The following TOX3 variants were observed in gnomAD, a reference collection of about 807,000 sequenced individuals.
TOX3 encodes the protein TOX high mobility group box family member 3, also known as CAG trinucleotide repeat-containing gene F9 protein.
Under a neutral mutation model 64.3 loss-of-function variants are expected in TOX3, and 22 were observed. That is an observed-to-expected ratio of 0.34 (90% CI 0.24 to 0.49). The LOEUF is 0.49. Ranked by LOEUF, TOX3 falls within the 20% of genes least tolerant of loss-of-function variation. The pLI, the probability that TOX3 is intolerant of heterozygous loss-of-function variation, is 0.99. For missense variants in TOX3, 661 were observed against 714.4 expected (o/e 0.93, Z 0.85); for synonymous variants, 291 against 273.6 (o/e 1.06, Z -0.63).
At chr16:52,501,359 A>C (rs1961994612) in intron 1 of TOX3, among the ~76,000 whole-genome samples, 1 of 152,360 alleles carries the variant, frequency 6.6e-6, no homozygotes. Flanking sequence ...CAAAAATTAT[A>C]ATTAAAAATG....
intron 1 of TOX3, among the ~76,000 whole-genome samples, chr16:52,538,607 C>T (rs568162241): frequency 5.3e-5 from 8 of 152,216 alleles, no homozygotes; most frequent in African/African-American, 1.9e-4. Flanking sequence ...CTCACTCCCC[C>T]AAAAGAATGA....
chr16:52,498,491 A>G (rs931995313), intron 1 of TOX3, among the ~76,000 whole-genome samples: 8 of 152,272 alleles, frequency 5.3e-5, no homozygotes, highest in Admixed American at 3.9e-4. Flanking sequence ...GAGCCCCCGC[A>G]TGATCCTGGT....
chr16:52,520,802 C>G (rs1320003472), intron 1 of TOX3, among the ~76,000 whole-genome samples: 2 of 152,018 alleles, frequency 1.3e-5, no homozygotes, highest in Non-Finnish European at 2.9e-5. Context: ...ATGTGTAACC[C>G]TAAACATTTT....
intron 1 of TOX3, among the ~76,000 whole-genome samples, chr16:52,502,549 G>A (rs1353566649): frequency 6.6e-6 from 1 of 152,160 alleles, no homozygotes; most frequent in African/African-American, 2.4e-5. Flanking sequence ...ATAAAAAGCA[G>A]TAAGGTCTTA....
intron 4 of TOX3, 117 bp from the exon 5 acceptor site, chr16:52,446,338 A>G: frequency 9.5e-7 from 1 of 1,055,236 alleles, no homozygotes; most frequent in Non-Finnish European, 1.3e-6. Flanking sequence ...CAACAGATGA[A>G]TCACCACCAA....
chr16:52,461,440 C>A (rs1194881207), intron 3 of TOX3, among the ~76,000 whole-genome samples: 2 of 152,034 alleles, frequency 1.3e-5, no homozygotes, highest in African/African-American at 4.8e-5. Context: ...TTCCTGCCTT[C>A]TGTTTTTAAA....
intron 1 of TOX3, among the ~76,000 whole-genome samples, chr16:52,493,694 TA>T (rs1238761020): frequency 6.6e-6 from 1 of 152,174 alleles, no homozygotes; most frequent in Non-Finnish European, 1.5e-5. Context: ...CCGCCTAGTT[TA>T]AAGAACAAGG....
chr16:52,492,029 GC>G (rs146204768), intron 1 of TOX3, among the ~76,000 whole-genome samples: 6,418 of 151,882 alleles, frequency 0.042, 403 homozygotes, highest in African/African-American at 0.14. Flanking sequence ...GCTTTACTAG[GC>G]CCCTTGACAC....
intron 1 of TOX3, among the ~76,000 whole-genome samples, chr16:52,508,542 A>C (rs1439670774): frequency 1.3e-5 from 2 of 152,228 alleles, no homozygotes; most frequent in Non-Finnish European, 2.9e-5. Flanking sequence ...AAGTCAGAAA[A>C]TAAAATATAT....
At chr16:52,449,155 G>A (rs1960257750) in intron 4 of TOX3, among the ~76,000 whole-genome samples, 1 of 152,006 alleles carries the variant, frequency 6.6e-6, no homozygotes, top group African/African-American at 2.4e-5. Flanking sequence ...CCTTTATAAG[G>A]CATTCTCTAT....
intron 1 of TOX3, among the ~76,000 whole-genome samples, chr16:52,537,974 G>C (rs1414158317): frequency 6.6e-6 from 1 of 150,772 alleles, no homozygotes; most frequent in African/African-American, 2.4e-5. Flanking sequence ...TGAGACTCTA[G>C]ATCCAGCTAT....
chr16:52,464,270 C>T, intron 2 of TOX3, 82 bp from the exon 3 acceptor site: 1 of 1,349,594 alleles, frequency 7.4e-7, no homozygotes, highest in Non-Finnish European at 9.7e-7. Context: ...AAAGACATTG[C>T]ATGAAAACAC....
At chr16:52,470,262 C>A (rs1961003702) in intron 1 of TOX3, among the ~76,000 whole-genome samples, 1 of 152,178 alleles carries the variant, frequency 6.6e-6, no homozygotes, top group Non-Finnish European at 1.5e-5. Context: ...GGTCTCCATG[C>A]AAATGTTCCT....
chr16:52,523,558 G>T lies in TOX3; in HGVS notation c.87+23079C>A, dbSNP rs1338940263. ...AATTTCAGCATCCCCTCTCATTGAA[G>T]ACAGGAACCACGTTTAACATCAATG... On this transcript the variant is annotated intron_variant, in intron 1 of 6. Transcript: ENST00000219746. 2.0e-5 allele frequency among the ~76,000 whole-genome samples: 3 copies of T among 152,302 alleles called. No individual in the cohort carries two copies. In the East Asian group the frequency reaches 5.8e-4, roughly 29 times the overall value.
chr16:52,456,901 C>T (rs1020537936), intron 3 of TOX3, among the ~76,000 whole-genome samples: 5 of 152,122 alleles, frequency 3.3e-5, no homozygotes, highest in Non-Finnish European at 7.4e-5. Flanking sequence ...GTGTGAAAGA[C>T]TTAATTAGCC....
chr16:52,485,980 T>A (rs1191895541), intron 1 of TOX3, among the ~76,000 whole-genome samples: 1 of 152,174 alleles, frequency 6.6e-6, no homozygotes, highest in Non-Finnish European at 1.5e-5. Context: ...ACAGAATCAG[T>A]CTTCCAGCAG....
At chr16:52,446,311 G>T (rs1341700471) in intron 4 of TOX3, 90 bp from the exon 5 acceptor site, 2 of 1,346,356 alleles carry the variant, frequency 1.5e-6, no homozygotes, top group African/African-American at 2.9e-5. Flanking sequence ...TTCTTTGAAG[G>T]TTTTGTTAGG....
intron 1 of TOX3, among the ~76,000 whole-genome samples, chr16:52,487,774 A>C (rs1259975639): frequency 6.6e-6 from 1 of 152,212 alleles, no homozygotes; most frequent in Non-Finnish European, 1.5e-5. Context: ...ATTTCTGACA[A>C]AACTTGAAAC....
Position 52,439,777 on chromosome 16 carries a change from G to C in TOX3, c.1179C>G (p.Pro393=), listed in dbSNP as rs1959895419. The part of the protein sequence containing the change: ...IAPKPLTMRL[P]MNQIVTSVTI... ...TGACTGATGTGACAATCTGGTTCAT[G>C]GGGAGTCTCATGGTTAAGGGTTTGG... Residue 393 remains proline, a synonymous_variant, in exon 7 of 7, where the codon CCC becomes CCG. Coordinates refer to ENST00000219746, the MANE Select transcript of TOX3 (RefSeq NM_001080430.4). 6 of 1,613,940 alleles carry C rather than the reference G, an allele frequency of 3.7e-6. No individual in the cohort carries two copies. Among genetic ancestry groups the C allele is most frequent in the Non-Finnish European group, 5.1e-6 (6 of 1,179,882 alleles).
Sources: gnomAD v4.1 joint callset for allele counts (sites outside exome capture counted in the v4.1 genomes callset) on GRCh38, gnomAD v4.1.1 for gene constraint, MANE v1.5 for transcripts, NCBI Gene and HGNC (gene_info 2026-07-23, HGNC 2026-07-21) for gene names.